EIF5A2: variants seen among roughly 807,000 people sequenced by gnomAD.
The protein encoded by EIF5A2 is eukaryotic translation initiation factor 5A2.
A neutral mutation model predicts 16.4 loss-of-function variants in EIF5A2; 15 were observed. The observed-to-expected ratio is 0.92, with a 90% CI of 0.61 to 1.41. The LOEUF is 1.41. EIF5A2 is among the 40% of genes most tolerant of loss of function. The pLI, the probability that EIF5A2 is intolerant of heterozygous loss-of-function variation, is 0.00. For missense variants in EIF5A2, 144 were observed against 189.5 expected, an observed-to-expected ratio of 0.76 and a Z score of 1.41; for synonymous variants, 48 against 61.1, an observed-to-expected ratio of 0.79 and a Z score of 1.00.
intron 3 of EIF5A2, among the ~76,000 whole-genome samples, chr3:170,902,610 T>C (rs1294834553): frequency 1.4e-5 from 2 of 144,504 alleles, no homozygotes; most frequent in Non-Finnish European, 3.0e-5. Flanking sequence ...AGCCTTCCTT[T>C]TTTTTTTTTT....
rs776796569 is a variant in EIF5A2 at position 170,891,099 on chromosome 3, A to C, written c.*2261T>G. 1 of 152,586 alleles carries C rather than the reference A, an allele frequency of 6.6e-6. No homozygotes were observed. Among genetic ancestry groups the C allele is most frequent in the Admixed American group, 6.5e-5 (1 of 15,284 alleles). The allele number at this position is 152,586 out of a possible 1,614,324, so 9.5% of individuals were successfully genotyped here. A position where few individuals can be genotyped will look rare whatever the true frequency, so the allele number is the denominator to read the frequency against. On this transcript the variant is annotated 3_prime_UTR_variant, in exon 5 of 5. Transcript: ENST00000295822. ...CCTTAATTTGTACACAATTGAAAAT[A>C]TATTTATGTGAAATTTTACAAGTTA...
chr3:170,899,103 G>C (rs1712743298), intron 3 of EIF5A2, among the ~76,000 whole-genome samples: 1 of 152,120 alleles, frequency 6.6e-6, no homozygotes, highest in Non-Finnish European at 1.5e-5. Flanking sequence ...GTATTGTCCT[G>C]GATAGCAACT....
At chr3:170,895,756 T>G (rs1239840130) in intron 3 of EIF5A2, among the ~76,000 whole-genome samples, 2 of 152,210 alleles carry the variant, frequency 1.3e-5, no homozygotes, top group Non-Finnish European at 2.9e-5. Context: ...GACTTTTAAC[T>G]AACCTCTTAG....
chr3:170,899,466 G>A (rs1367352890), intron 3 of EIF5A2, among the ~76,000 whole-genome samples: 1 of 151,630 alleles, frequency 6.6e-6, no homozygotes, highest in Non-Finnish European at 1.5e-5. Flanking sequence ...TGTTGCCCAG[G>A]CTGGTCTCAA....
rs1251316429 is a variant in EIF5A2, at chr3:170,907,182, A to G, written c.166-89T>C. ...AGAGCACAATACCAATGCTGATTAC[A>G]ACAGATTCTTTTTCTCCTCCTTCCA... On this transcript the variant is annotated intron_variant, in intron 2 of 4. Transcript: ENST00000295822. The G allele has an allele frequency of 5.2e-6, 4 of 769,816 alleles. No homozygotes were observed. The African/African-American group carries it at 7.0e-5, about 14-fold the overall frequency. 47.7% of individuals were successfully genotyped at this position (769,816 alleles called of 1,614,324 possible).
rs1381221387 is a variant in EIF5A2 at position 170,894,287 on chromosome 3, T to C, written c.402+5A>G. 6.2e-7 allele frequency: 1 copy of C among 1,612,918 alleles called. No individual in the cohort carries two copies. ...TTCAAAAATAATCCTTCTCTAAGTC[T>C]TTACCTGTACATCTTCACCTGCATT... On this transcript the variant is annotated splice_donor_5th_base_variant and intron_variant, in intron 4 of 4. Coordinates refer to ENST00000295822, the MANE Select transcript of EIF5A2 (RefSeq NM_020390.6).
At chr3:170,907,370 A>G (rs1294206333) in intron 2 of EIF5A2, among the ~76,000 whole-genome samples, 1 of 151,046 alleles carries the variant, frequency 6.6e-6, no homozygotes, top group African/African-American at 2.4e-5. Context: ...AATTGCTAGA[A>G]CAGGTTTTCT....
intron 1 of EIF5A2, among the ~76,000 whole-genome samples, chr3:170,908,272 A>G (rs775373674): frequency 6.6e-6 from 1 of 152,132 alleles, no homozygotes; most frequent in Non-Finnish European, 1.5e-5. Flanking sequence ...GCCCTCTGCT[A>G]GCTGGCGCGC....
At position 170,892,527 on chromosome 3, in the gene EIF5A2, A is replaced by T. The variant is rs6792607; in HGVS notation, c.*833T>A. On this transcript the variant is annotated 3_prime_UTR_variant, in exon 5 of 5. Transcript: ENST00000295822. ...TGGAAAACAAGCATTGCATAGTATC[A>T]TGTAAAGCAGATCACTCCCTTTAAA... 2.7e-6 allele frequency: 1 copy of T among 368,408 alleles called. No homozygotes were observed. Among genetic ancestry groups the T allele is most frequent in the African/African-American group, 2.1e-5 (1 of 47,754 alleles). The allele number at this position is 368,408 out of a possible 1,614,324, so 22.8% of individuals were successfully genotyped here.
At chr3:170,903,776 A>AC (rs900253631) in intron 3 of EIF5A2, among the ~76,000 whole-genome samples, 1 of 152,234 alleles carries the variant, frequency 6.6e-6, no homozygotes, top group Non-Finnish European at 1.5e-5. Context: ...CAAATGATAT[A>AC]CTACTTATTT....
chr3:170,907,272 A>C (rs3817415), intron 2 of EIF5A2, among the ~76,000 whole-genome samples, 179 bp from the exon 3 acceptor site: 1 of 152,356 alleles, frequency 6.6e-6, no homozygotes, highest in South Asian at 2.1e-4. Flanking sequence ...GTAAACAACT[A>C]AACAGTATCA....
At chr3:170,904,289 C>T (rs960698792) in intron 3 of EIF5A2, among the ~76,000 whole-genome samples, 9 of 152,164 alleles carry the variant, frequency 5.9e-5, no homozygotes, top group Admixed American at 2.6e-4. Context: ...AATATTAATA[C>T]GTTTTGTTTC....
At chr3:170,901,732 GC>G (rs995628029) in intron 3 of EIF5A2, among the ~76,000 whole-genome samples, 3 of 152,038 alleles carry the variant, frequency 2.0e-5, no homozygotes, top group Non-Finnish European at 4.4e-5. Flanking sequence ...GAGCCACAGT[GC>G]CTGGACAGGT....
chr3:170,888,501 T>C lies in EIF5A2; in HGVS notation c.*4859A>G, dbSNP rs1402835104. 6.6e-6 allele frequency: 1 copy of C among 152,416 alleles called. No individual in the cohort carries two copies. Among genetic ancestry groups the C allele is most frequent in the East Asian group, 1.9e-4 (1 of 5,204 alleles). The allele number at this position is 152,416 out of a possible 1,614,324, so 9.4% of individuals were successfully genotyped here. A position where few individuals can be genotyped will look rare whatever the true frequency, so the allele number is the denominator to read the frequency against. ...TTTAATAATATCACAAAGTTATAAT[T>C]GTTAAGGTATTATCTATATTTAAAG... On this transcript the variant is annotated 3_prime_UTR_variant, in exon 5 of 5. Transcript: ENST00000295822.
At chr3:170,903,080 C>T (rs939610959) in intron 3 of EIF5A2, among the ~76,000 whole-genome samples, 8 of 152,172 alleles carry the variant, frequency 5.3e-5, no homozygotes, top group African/African-American at 1.7e-4. Flanking sequence ...TAATATGTTT[C>T]CCAGAACAGC....
Position 170,890,076 on chromosome 3 carries a change from A to G in EIF5A2, c.*3284T>C, listed in dbSNP as rs148706755. 1.5e-3 allele frequency: 233 copies of G among 152,664 alleles called. 1 individual carries two copies. Among genetic ancestry groups the G allele is most frequent in the African/African-American group, 5.4e-3 (225 of 41,570 alleles). The allele number at this position is 152,664 out of a possible 1,614,324, so 9.5% of individuals were successfully genotyped here. ...TGAAATTTCAGCTTTTAGCACAAAT[A>G]GCCCTGAGAACAATGCATTCAAATT... On this transcript the variant is annotated 3_prime_UTR_variant, in exon 5 of 5. Coordinates refer to ENST00000295822, the MANE Select transcript of EIF5A2 (RefSeq NM_020390.6).
intron 3 of EIF5A2, among the ~76,000 whole-genome samples, chr3:170,898,450 T>C (rs1712726431): frequency 6.6e-6 from 1 of 152,150 alleles, no homozygotes; most frequent in East Asian, 1.9e-4. Context: ...GTTCTCATGA[T>C]AGTAAGTGAG....
At chr3:170,903,858 T>A (rs1712870076) in intron 3 of EIF5A2, among the ~76,000 whole-genome samples, 1 of 152,266 alleles carries the variant, frequency 6.6e-6, no homozygotes, top group Non-Finnish European at 1.5e-5. Flanking sequence ...AATTTAATAG[T>A]CACAGTTTTG....
intron 3 of EIF5A2, among the ~76,000 whole-genome samples, chr3:170,894,715 GT>G (rs397875882): frequency 5.8e-4 from 83 of 144,306 alleles, no homozygotes; most frequent in East Asian, 1.4e-3. Context: ...TTGCTGTTTT[GT>G]TTTTTTTTTT....
Sources: gnomAD v4.1 joint callset for allele counts (sites outside exome capture counted in the v4.1 genomes callset) on GRCh38, gnomAD v4.1.1 for gene constraint, MANE v1.5 for transcripts, NCBI Gene and HGNC (gene_info 2026-07-23, HGNC 2026-07-21) for gene names.